Variants in ADAMTSL3 observed in about 807,000 individuals in gnomAD.
ADAMTSL3 encodes the protein ADAMTS-like protein 3.
ADAMTSL3 carries 128 observed loss-of-function variants against 201.7 expected under a neutral mutation model. The observed-to-expected ratio is 0.63, with a 90% CI of 0.55 to 0.73. The LOEUF (loss-of-function observed/expected upper bound fraction) is 0.73, where lower values mean the gene tolerates loss of function less well. Ranked by LOEUF, ADAMTSL3 falls within the 30% of genes least tolerant of loss-of-function variation. The pLI is 0.00. For synonymous variants in ADAMTSL3, 738 were observed against 748.4 expected (o/e 0.99, Z 0.23); for missense variants, 1,990 against 2,119.6 (o/e 0.94, Z 1.20).
intron 5 of ADAMTSL3, among the ~76,000 whole-genome samples, chr15:83,810,102 G>A (rs966980462): frequency 3.3e-5 from 5 of 152,092 alleles, no homozygotes; most frequent in Admixed American, 3.3e-4. Context: ...ACTTGAATGG[G>A]AAAAAATGGG....
At chr15:83,889,279 A>G (rs1205931851) in intron 10 of ADAMTSL3, among the ~76,000 whole-genome samples, 1 of 152,184 alleles carries the variant, frequency 6.6e-6, no homozygotes, top group Non-Finnish European at 1.5e-5. Flanking sequence ...TGTATAGACA[A>G]TGCTTAATTC....
chr15:83,779,466 A>T (rs542102332), intron 4 of ADAMTSL3, among the ~76,000 whole-genome samples: 2 of 152,288 alleles, frequency 1.3e-5, no homozygotes, highest in African/African-American at 4.8e-5. Context: ...TGGGAGGCCG[A>T]GGTGGGAGGA....
intron 15 of ADAMTSL3, among the ~76,000 whole-genome samples, chr15:83,903,917 C>CAAAAAAAAAAAAAAA (rs1168502648): frequency 2.3e-3 from 44 of 19,264 alleles, no homozygotes; most frequent in South Asian, 2.8e-3. Flanking sequence ...GACTCCACAT[C>CAAAAAAAAAAAAAAA]AAAAAAAAAA....
At chr15:83,948,004 T>C (rs545749507) in intron 19 of ADAMTSL3, among the ~76,000 whole-genome samples, 1 of 152,312 alleles carries the variant, frequency 6.6e-6, no homozygotes, top group African/African-American at 2.4e-5. Flanking sequence ...GTTCTTCACC[T>C]CCTATATTGT....
intron 17 of ADAMTSL3, among the ~76,000 whole-genome samples, chr15:83,934,882 C>A (rs923206149): frequency 6.6e-6 from 1 of 152,144 alleles, no homozygotes; most frequent in African/African-American, 2.4e-5. Context: ...AGAATGAAAT[C>A]TTGTCTTTTG....
chr15:84,027,635 G>A (rs1206584176), intron 27 of ADAMTSL3, among the ~76,000 whole-genome samples: 11 of 152,134 alleles, frequency 7.2e-5, no homozygotes, highest in East Asian at 1.9e-4. Context: ...GTGTGAACCC[G>A]GGAGGCAGGG....
chr15:83,669,524 G>A (rs1232311975), intron 2 of ADAMTSL3, among the ~76,000 whole-genome samples: 3 of 122,252 alleles, frequency 2.5e-5, no homozygotes, highest in Admixed American at 1.1e-4. Context: ...CTGGAGTGCT[G>A]TGGCGTGATC....
At chr15:83,732,648 T>C (rs527962710) in intron 3 of ADAMTSL3, among the ~76,000 whole-genome samples, 1 of 152,272 alleles carries the variant, frequency 6.6e-6, no homozygotes, top group South Asian at 2.1e-4. Flanking sequence ...TTCAGCTCCG[T>C]CTTAACTAGT....
chr15:83,655,103 T>C (rs908775709), intron 1 of ADAMTSL3, among the ~76,000 whole-genome samples: 2 of 152,162 alleles, frequency 1.3e-5, no homozygotes, highest in African/African-American at 4.8e-5. Context: ...TGACCTCTGC[T>C]GGCTGGCCCT....
intron 2 of ADAMTSL3, among the ~76,000 whole-genome samples, chr15:83,667,574 C>T (rs1453990575): frequency 7.3e-6 from 1 of 136,094 alleles, no homozygotes; most frequent in African/African-American, 2.8e-5. Context: ...GAGGGAGGAT[C>T]CTGAAGACTG....
intron 19 of ADAMTSL3, among the ~76,000 whole-genome samples, chr15:83,959,165 C>G (rs1264946807): frequency 1.3e-5 from 2 of 152,202 alleles, no homozygotes; most frequent in African/African-American, 4.8e-5. Context: ...GTGGCTCAAG[C>G]CTGTAATCCC....
chr15:83,780,115 C>T (rs544429224), intron 4 of ADAMTSL3, among the ~76,000 whole-genome samples: 19 of 152,060 alleles, frequency 1.2e-4, no homozygotes, highest in East Asian at 1.2e-3. Flanking sequence ...AAAAACCATT[C>T]GAAAGATCAA....
chr15:83,706,667 G>A (rs1389025399), intron 3 of ADAMTSL3, among the ~76,000 whole-genome samples: 2 of 151,672 alleles, frequency 1.3e-5, no homozygotes, highest in African/African-American at 4.8e-5. Flanking sequence ...TTGAGATTGG[G>A]TCTTGTTCTG....
At chr15:83,933,742 C>T (rs1285853801) in intron 17 of ADAMTSL3, among the ~76,000 whole-genome samples, 3 of 152,324 alleles carry the variant, frequency 2.0e-5, no homozygotes, top group Admixed American at 1.3e-4. Context: ...GTCCCAGGGC[C>T]TTTGCTGCTT....
At chr15:84,005,916 A>G (rs2067886199) in intron 23 of ADAMTSL3, among the ~76,000 whole-genome samples, 1 of 152,230 alleles carries the variant, frequency 6.6e-6, no homozygotes, top group African/African-American at 2.4e-5. Context: ...AATTCTGTAA[A>G]TAGTAAAAGC....
chr15:83,753,661 C>CT (rs374458161), intron 3 of ADAMTSL3, among the ~76,000 whole-genome samples: 101 of 144,938 alleles, frequency 7.0e-4, no homozygotes, highest in East Asian at 2.6e-3. Flanking sequence ...AAAAACTGTG[C>CT]TTTTTTTTTT....
chr15:83,929,046 CCT>C lies in ADAMTSL3; in HGVS notation c.2117+5014_2117+5015del, dbSNP rs764892171. 5.0e-4 allele frequency among the ~76,000 whole-genome samples: 76 copies of C among 152,310 alleles called. 1 individual carries two copies. Among genetic ancestry groups the C allele is most frequent in the Middle Eastern group, 3.4e-3 (1 of 294 alleles). On this transcript the variant is annotated intron_variant, in intron 17 of 29. Coordinates refer to ENST00000286744, the MANE Select transcript of ADAMTSL3 (RefSeq NM_207517.3). ...AGTTTCTAAATGAACTCTTGACTCT[CCT>C]GTTTCCTGCTCTGATCCATGTGCAC...
At chr15:83,696,279 C>T (rs1398228294) in intron 2 of ADAMTSL3, among the ~76,000 whole-genome samples, 3 of 152,194 alleles carry the variant, frequency 2.0e-5, no homozygotes, top group African/African-American at 2.4e-5. Flanking sequence ...ACATGATCAC[C>T]GCTCACTGCA....
At chr15:83,727,822 G>C (rs2062203747) in intron 3 of ADAMTSL3, among the ~76,000 whole-genome samples, 1 of 151,962 alleles carries the variant, frequency 6.6e-6, no homozygotes, top group South Asian at 2.1e-4. Context: ...GTGTTGAGGA[G>C]AAGAAAGTGT....
Sources: gnomAD v4.1 joint callset for allele counts (sites outside exome capture counted in the v4.1 genomes callset) on GRCh38, gnomAD v4.1.1 for gene constraint, MANE v1.5 for transcripts, NCBI Gene and HGNC (gene_info 2026-07-23, HGNC 2026-07-21) for gene names.